Variants in SPATA7 observed in about 807,000 individuals in gnomAD.
SPATA7 encodes the protein spermatogenesis-associated protein 7.
Under a neutral mutation model 51.8 loss-of-function variants are expected in SPATA7, and 43 were observed. That is an observed-to-expected ratio of 0.83 (90% CI 0.65 to 1.07). The LOEUF (loss-of-function observed/expected upper bound fraction) is 1.07, where lower values mean the gene tolerates loss of function less well. SPATA7 is among the 50% of genes least tolerant of loss of function. The pLI, the probability that SPATA7 is intolerant of heterozygous loss-of-function variation, is 0.00. For synonymous variants in SPATA7, 230 were observed against 252.8 expected (o/e 0.91, Z 0.86); for missense variants, 683 against 701.3 (o/e 0.97, Z 0.30).
intron 3 of SPATA7, among the ~76,000 whole-genome samples, chr14:88,393,855 A>T (rs1158948643): frequency 6.6e-6 from 1 of 152,070 alleles, no homozygotes; most frequent in Non-Finnish European, 1.5e-5. Context: ...TGTCAGCTTT[A>T]TTGAGATAAA....
At chr14:88,463,846 TTTTTG>T (rs1161124514) in intron 4 of SPATA7, among the ~76,000 whole-genome samples, 2 of 127,744 alleles carry the variant, frequency 1.6e-5, no homozygotes, top group African/African-American at 7.2e-5. Context: ...TATTTTTCTG[TTTTTG>T]TTTTGTTTTT....
chr14:88,411,981 C>T (rs1321730446), intron 4 of SPATA7, among the ~76,000 whole-genome samples: 1 of 152,066 alleles, frequency 6.6e-6, no homozygotes, highest in Non-Finnish European at 1.5e-5. Flanking sequence ...ACTCACATTC[C>T]CAAGAACAGT....
Position 88,433,229 on chromosome 14 carries a change from GTGTTA to G in SPATA7, c.1160+23_1160+27del, listed in dbSNP as rs773399992. 2 of 1,526,020 alleles carry G rather than the reference GTGTTA, an allele frequency of 1.3e-6. No individual in the cohort carries two copies. Among genetic ancestry groups the G allele is most frequent in the Admixed American group, 3.3e-5 (2 of 59,702 alleles). The allele number at this position is 1,526,020 out of a possible 1,614,324, so 94.5% of individuals were successfully genotyped here. On this transcript the variant is annotated intron_variant, in intron 10 of 11. Coordinates refer to ENST00000393545, the MANE Select transcript of SPATA7 (RefSeq NM_018418.5). Reference sequence around the variant, plus strand: ...TTCAAACAGGTTAGTTTTTTTAATGGTGTTATGTTAATTCAGGAGTACATTAAATA... The same window carrying G: ...TTCAAACAGGTTAGTTTTTTTAATGGTGTTAATTCAGGAGTACATTAAATA...
intron 5 of SPATA7, among the ~76,000 whole-genome samples, chr14:88,421,668 C>T (rs2076645678): frequency 6.6e-6 from 1 of 151,846 alleles, no homozygotes; most frequent in Admixed American, 6.6e-5. Context: ...AGTAGAATCT[C>T]GGCCGGGCGT....
downstream of SPATA7, among the ~76,000 whole-genome samples, chr14:88,460,000 C>A (rs1228133957): frequency 6.6e-6 from 1 of 152,106 alleles, no homozygotes; most frequent in Non-Finnish European, 1.5e-5. Flanking sequence ...ATATGAAATT[C>A]TGGGTTGAAA....
At chr14:88,461,735 A>G (rs1353019391) in intron 4 of SPATA7, among the ~76,000 whole-genome samples, 5 of 151,038 alleles carry the variant, frequency 3.3e-5, no homozygotes, top group East Asian at 1.9e-4. Context: ...CTGTCCGACA[A>G]GCCCCGTGAG....
intron 2 of SPATA7, among the ~76,000 whole-genome samples, chr14:88,393,103 C>CAA (rs60631129): frequency 0.011 from 1,570 of 147,204 alleles, 14 homozygotes; most frequent in African/African-American, 0.037. Flanking sequence ...TGAGAGCTGT[C>CAA]AAAAAAAAAA....
intron 4 of SPATA7, among the ~76,000 whole-genome samples, chr14:88,463,489 G>A (rs2077330562): frequency 6.6e-6 from 1 of 152,100 alleles, no homozygotes. Context: ...CACCAGCAGG[G>A]TGCAGTAGGG....
At chr14:88,431,005 C>G (rs990707857) in intron 8 of SPATA7, among the ~76,000 whole-genome samples, 167 bp from the exon 9 acceptor site, 2 of 152,110 alleles carry the variant, frequency 1.3e-5, no homozygotes, top group Non-Finnish European at 2.9e-5. Flanking sequence ...AGATGCTCAA[C>G]TACTAAGTAT....
chr14:88,421,888 C>T (rs2076654261), intron 5 of SPATA7, among the ~76,000 whole-genome samples: 1 of 148,762 alleles, frequency 6.7e-6, no homozygotes, highest in Admixed American at 6.8e-5. Context: ...GGCGGGGTTG[C>T]AGTGAGCCAA....
intron 8 of SPATA7, among the ~76,000 whole-genome samples, chr14:88,430,541 CATG>C (rs1034272101): frequency 2.6e-5 from 4 of 152,110 alleles, no homozygotes; most frequent in African/African-American, 4.8e-5. Flanking sequence ...CAAAATTTAT[CATG>C]ATGACCACCT....
chr14:88,409,020 T>C (rs749535559), intron 4 of SPATA7, among the ~76,000 whole-genome samples: 15 of 152,228 alleles, frequency 9.9e-5, no homozygotes, highest in Non-Finnish European at 1.6e-4. Context: ...TGGTATTTTA[T>C]TGAGGATTTT....
In SPATA7 at chr14:88,437,659, T is replaced by C. The variant is rs2077126508; in HGVS notation, c.1215+62T>C. On this transcript the variant is annotated intron_variant, in intron 11 of 11. Coordinates refer to ENST00000393545, the MANE Select transcript of SPATA7 (RefSeq NM_018418.5). ...AATGTAAAAATAATTGTATGGTTTT[T>C]TTCATACCTTCAAACAATACATTAA... 4.1e-5 allele frequency: 60 copies of C among 1,447,308 alleles called. 1 individual carries two copies. The highest frequency in any genetic ancestry group is 2.3e-4 in the South Asian group (19 of 83,424). 89.7% of individuals were successfully genotyped at this position (1,447,308 alleles called of 1,614,324 possible). A position where few individuals can be genotyped will look rare whatever the true frequency, so the allele number is the denominator to read the frequency against.
Position 88,455,266 on chromosome 14 carries a change from T to G in SPATA7, c.*153T>G, listed in dbSNP as rs896704344. 2.0e-5 allele frequency: 7 copies of G among 355,316 alleles called. No homozygotes were observed. In the Admixed American group the frequency reaches 2.4e-4, roughly 12 times the overall value. The allele number at this position is 355,316 out of a possible 1,614,324, so 22.0% of individuals were successfully genotyped here. A position where few individuals can be genotyped will look rare whatever the true frequency, so the allele number is the denominator to read the frequency against. On this transcript the variant is annotated 3_prime_UTR_variant, in exon 4 of 4. Transcript: ENST00000554802. The stretch of plus-strand genomic sequence containing the variant: ...AATGAAGCTGGCTAGTTTGGCAAGA[T>G]GCATTCTAACTCTTAAAGTGATTGA...
At chr14:88,425,731 A>G (rs1285674054) in intron 5 of SPATA7, among the ~76,000 whole-genome samples, 1 of 152,124 alleles carries the variant, frequency 6.6e-6, no homozygotes, top group East Asian at 1.9e-4. Flanking sequence ...TTATATTTAA[A>G]TTATCAATTA....
At chr14:88,428,130 G>T (rs948086050) in intron 7 of SPATA7, 4 of 152,352 alleles carry the variant, frequency 2.6e-5, no homozygotes, top group African/African-American at 9.7e-5. Flanking sequence ...ATAAGTAGCT[G>T]TTATTCTCTT....
At chr14:88,411,844 ATT>A (rs138390771) in intron 4 of SPATA7, among the ~76,000 whole-genome samples, 1 of 151,908 alleles carries the variant, frequency 6.6e-6, no homozygotes, top group Admixed American at 6.6e-5. Flanking sequence ...TGGTAGAATG[ATT>A]TTTTGGGGGG....
intron 3 of SPATA7, among the ~76,000 whole-genome samples, chr14:88,452,546 G>T (rs1270694390): frequency 6.6e-6 from 1 of 152,132 alleles, no homozygotes; most frequent in Non-Finnish European, 1.5e-5. Flanking sequence ...GCCTACAGCA[G>T]CAATCCATCT....
intron 3 of SPATA7, among the ~76,000 whole-genome samples, chr14:88,448,990 T>G (rs2077232972): frequency 6.6e-6 from 1 of 152,218 alleles, no homozygotes; most frequent in Non-Finnish European, 1.5e-5. Flanking sequence ...TCTATCAATT[T>G]CATTTCTCTT....
Sources: gnomAD v4.1 joint callset for allele counts (sites outside exome capture counted in the v4.1 genomes callset) on GRCh38, gnomAD v4.1.1 for gene constraint, MANE v1.5 for transcripts, NCBI Gene and HGNC (gene_info 2026-07-23, HGNC 2026-07-21) for gene names.